GTPBP10: variants seen among roughly 807,000 people sequenced by gnomAD.
GTPBP10 encodes GTP-binding protein 10.
A neutral mutation model predicts 44.8 loss-of-function variants in GTPBP10; 38 were observed. The ratio of observed to expected loss-of-function variants is 0.85; its 90% CI spans 0.65 to 1.11. The LOEUF (loss-of-function observed/expected upper bound fraction) is 1.11. Among genes scored for constraint, GTPBP10 ranks in the 50% most tolerant of loss-of-function variants. GTPBP10 has a pLI of 0.00. For synonymous variants in GTPBP10, 152 were observed against 150.6 expected, an observed-to-expected ratio of 1.01 and a Z score of -0.07; for missense variants, 462 against 453.7, an observed-to-expected ratio of 1.02 and a Z score of -0.17.
In GTPBP10 at chr7:90,388,768, C is replaced by T. The variant is rs1796568205; in HGVS notation, c.*3614C>T. 1 of 152,098 alleles carries T rather than the reference C, an allele frequency of 6.6e-6. No homozygotes were observed. Among genetic ancestry groups the T allele is most frequent in the African/African-American group, 2.4e-5 (1 of 41,428 alleles). 9.4% of individuals were successfully genotyped at this position (152,098 alleles called of 1,614,324 possible). ...TTGCAAGGATGAAGGTTAGAGATTC[C>T]TTTCAGTAGTTAATGAAAGCTACAG... On this transcript the variant is annotated 3_prime_UTR_variant, in exon 10 of 10. Transcript: ENST00000222511.
At chr7:90,348,019 G>A (rs1043633441) in intron 1 of GTPBP10, among the ~76,000 whole-genome samples, 2 of 152,102 alleles carry the variant, frequency 1.3e-5, no homozygotes, top group Non-Finnish European at 2.9e-5. Flanking sequence ...TTAAGGCCAG[G>A]AGTTCAAGAC....
At chr7:90,360,197 G>C (rs1449878300) in intron 4 of GTPBP10, among the ~76,000 whole-genome samples, 1 of 152,094 alleles carries the variant, frequency 6.6e-6, no homozygotes, top group Non-Finnish European at 1.5e-5. Flanking sequence ...TGGTGTTTTA[G>C]ACATGAAGTC....
intron 4 of GTPBP10, among the ~76,000 whole-genome samples, chr7:90,360,272 C>G (rs184982089): frequency 2.0e-5 from 3 of 152,042 alleles, no homozygotes; most frequent in South Asian, 2.1e-4. Context: ...TATGGTTTTA[C>G]GACTATCATT....
In GTPBP10 at chr7:90,387,175, A is replaced by T. The variant is rs1796538487; in HGVS notation, c.*2021A>T. The T allele has an allele frequency of 6.6e-6, 1 of 152,002 alleles. No individual in the cohort carries two copies. The highest frequency in any genetic ancestry group is 1.5e-5 in the Non-Finnish European group (1 of 68,008). 9.4% of individuals were successfully genotyped at this position (152,002 alleles called of 1,614,324 possible). ...AACATGGTGAAAACCCATCTCTACT[A>T]AAATACAAAAATCAGCTGGGCATGG... On this transcript the variant is annotated 3_prime_UTR_variant, in exon 10 of 10. Coordinates refer to ENST00000222511, the MANE Select transcript of GTPBP10 (RefSeq NM_033107.4).
In GTPBP10 at chr7:90,383,056, T is replaced by TGAG. The variant is rs778166896; in HGVS notation, c.879_881dup (p.Met293_Ser294insArg). The stretch of plus-strand genomic sequence containing the variant: ...GCCCAAGATAAGTTCCATGAATTGA[T>TGAG]GAGCCAGCTCCAGAATCCTAAAGGT... On this transcript the variant is annotated inframe_insertion, in exon 9 of 10. Transcript: ENST00000222511. 3 of 1,584,516 alleles carry TGAG rather than the reference T, an allele frequency of 1.9e-6. No individual in the cohort carries two copies. The South Asian group carries it at 3.5e-5, about 19-fold the overall frequency.
intron 9 of GTPBP10, 97 bp from the exon 10 acceptor site, chr7:90,384,795 G>GT (rs1238022799): frequency 8.1e-6 from 10 of 1,239,146 alleles, no homozygotes; most frequent in Non-Finnish European, 7.8e-6. Context: ...AAAAATGCTG[G>GT]TGTTGGTTCC....
intron 5 of GTPBP10, 121 bp downstream of exon 5, chr7:90,372,349 G>C: frequency 1.5e-6 from 1 of 655,038 alleles, no homozygotes; most frequent in Non-Finnish European, 2.6e-6. Flanking sequence ...ATTTTTGGCA[G>C]ATAGACTACT....
rs753068695 is a variant in GTPBP10, at chr7:90,378,221, CT to C, written c.777+11del. On this transcript the variant is annotated intron_variant, in intron 8 of 9. Transcript: ENST00000222511. ...AATACTGCTTACAAAAGTAGGTTTT[CT>C]GTTTTACTGTGTTCTGTATTTGGTC... 1 of 1,605,366 alleles carries C rather than the reference CT, an allele frequency of 6.2e-7. No individual in the cohort carries two copies. The highest frequency in any genetic ancestry group is 1.1e-5 in the South Asian group (1 of 90,480).
intron 1 of GTPBP10, 101 bp from the exon 2 acceptor site, chr7:90,352,715 C>A: frequency 1.2e-6 from 1 of 860,990 alleles, no homozygotes; most frequent in Non-Finnish European, 1.7e-6. Context: ...AAGCTATTAA[C>A]GACTTTTTTA....
intron 5 of GTPBP10, among the ~76,000 whole-genome samples, chr7:90,373,503 G>A (rs904407103): frequency 3.3e-5 from 5 of 152,200 alleles, no homozygotes; most frequent in African/African-American, 4.8e-5. Context: ...AGACTGTGAC[G>A]AAGTAGAGTG....
intron 2 of GTPBP10, among the ~76,000 whole-genome samples, chr7:90,354,200 G>A (rs556423193): frequency 5.9e-5 from 9 of 152,124 alleles, no homozygotes; most frequent in Admixed American, 5.9e-4. Context: ...TTAGTTTCGG[G>A]TTAAAATGAC....
intron 4 of GTPBP10, among the ~76,000 whole-genome samples, chr7:90,359,846 G>A (rs547538766): frequency 4.3e-4 from 66 of 152,202 alleles, no homozygotes; most frequent in Non-Finnish European, 7.5e-4. Context: ...TAACTGGTGT[G>A]AGATGGTATC....
chr7:90,380,523 A>G (rs550196234), intron 8 of GTPBP10, among the ~76,000 whole-genome samples: 4 of 152,258 alleles, frequency 2.6e-5, no homozygotes, highest in African/African-American at 9.6e-5. Flanking sequence ...AGTTTTATTA[A>G]AGTGTAATTG....
At chr7:90,347,100 G>T (rs776692306) in intron 1 of GTPBP10, among the ~76,000 whole-genome samples, 1 of 152,082 alleles carries the variant, frequency 6.6e-6, no homozygotes, top group Non-Finnish European at 1.5e-5. Context: ...AATGTCCACA[G>T]CCTGTTTTTA....
At chr7:90,354,356 G>A in intron 2 of GTPBP10, 102 bp from the exon 3 acceptor site, 1 of 497,988 alleles carries the variant, frequency 2.0e-6, no homozygotes. Context: ...GTTAACCAGA[G>A]AATTGATTGC....
intron 6 of GTPBP10, among the ~76,000 whole-genome samples, chr7:90,375,197 T>TAA (rs796449171): frequency 5.6e-5 from 8 of 141,764 alleles, no homozygotes; most frequent in Non-Finnish European, 1.1e-4. Context: ...GTGGAGACAG[T>TAA]AAAAAAAAAA....
At chr7:90,368,128 T>C (rs538328529) in intron 4 of GTPBP10, among the ~76,000 whole-genome samples, 240 of 152,340 alleles carry the variant, frequency 1.6e-3, no homozygotes, top group Admixed American at 6.3e-3. Flanking sequence ...TTCTGGCTTG[T>C]AGGGTTTCTG....
intron 4 of GTPBP10, among the ~76,000 whole-genome samples, chr7:90,355,535 C>A: frequency 6.6e-6 from 1 of 151,736 alleles, no homozygotes; most frequent in African/African-American, 2.4e-5. Context: ...AATAATGTTA[C>A]CAGATATTAA....
At chr7:90,375,425 T>C (rs1796328542) in intron 6 of GTPBP10, among the ~76,000 whole-genome samples, 1 of 152,056 alleles carries the variant, frequency 6.6e-6, no homozygotes, top group Non-Finnish European at 1.5e-5. Flanking sequence ...GTATAGACTT[T>C]GGGTGCTAAC....
Sources: gnomAD v4.1 joint callset for allele counts (sites outside exome capture counted in the v4.1 genomes callset) on GRCh38, gnomAD v4.1.1 for gene constraint, MANE v1.5 for transcripts, NCBI Gene and HGNC (gene_info 2026-07-23, HGNC 2026-07-21) for gene names.